NFXL1: variants seen among roughly 807,000 people sequenced by gnomAD.
NFXL1 encodes the protein NF-X1-type zinc finger protein NFXL1.
A neutral mutation model predicts 123.3 loss-of-function variants in NFXL1; 66 were observed. The ratio of observed to expected loss-of-function variants is 0.54; its 90% CI spans 0.44 to 0.66. The LOEUF is 0.66. NFXL1 is among the 30% of genes least tolerant of loss of function. The pLI is 0.00. For synonymous variants in NFXL1, 346 were observed against 360.8 expected, an observed-to-expected ratio of 0.96 and a Z score of 0.46; for missense variants, 944 against 1,125.6, an observed-to-expected ratio of 0.84 and a Z score of 2.31.
chr4:47,906,195 G>A (rs1392166783), intron 3 of NFXL1, among the ~76,000 whole-genome samples: 2 of 151,998 alleles, frequency 1.3e-5, no homozygotes, highest in Non-Finnish European at 2.9e-5. Flanking sequence ...GACACCAAAA[G>A]GACAATAATC....
chr4:47,895,827 C>G (rs1033439110), intron 10 of NFXL1, among the ~76,000 whole-genome samples: 1 of 152,164 alleles, frequency 6.6e-6, no homozygotes, highest in Non-Finnish European at 1.5e-5. Flanking sequence ...TGCAAGAGAA[C>G]TTTCAGCCTA....
In NFXL1 at chr4:47,914,120, G is replaced by T; in HGVS notation, c.84C>A (p.Val28=). 1 of 1,554,128 alleles carries T rather than the reference G, an allele frequency of 6.4e-7. No homozygotes were observed. The change falls in exon 2 of 23, where the codon GTC becomes GTA. Residue 28 remains valine, a synonymous_variant. Coordinates refer to ENST00000507489, the MANE Select transcript of NFXL1 (RefSeq NM_001278624.2). ...GCCCTCCTCCGGCGCCGCGGAGATG[G>T]ACTCCATTTCCTGAGGGGGCGGCAG... ...RATAAPSGNG[V]HLRGAGGGRE...
At chr4:47,882,074 C>G (rs1055345798) in intron 15 of NFXL1, among the ~76,000 whole-genome samples, 9 of 152,138 alleles carry the variant, frequency 5.9e-5, no homozygotes, top group South Asian at 2.1e-4. Context: ...ATTGGTTTCT[C>G]AACTGTAAAT....
At chr4:47,873,155 A>G (rs1735553488) in intron 18 of NFXL1, among the ~76,000 whole-genome samples, 1 of 152,210 alleles carries the variant, frequency 6.6e-6, no homozygotes, top group African/African-American at 2.4e-5. Flanking sequence ...TCCCATCTAT[A>G]GGCTCCACTT....
chr4:47,911,028 A>G (rs1472604877), intron 2 of NFXL1, 34 bp from the exon 3 acceptor site: 2 of 1,317,932 alleles, frequency 1.5e-6, no homozygotes, highest in Admixed American at 5.0e-5. Flanking sequence ...TTTCTGCAAA[A>G]CAATCTCTCA....
intron 11 of NFXL1, among the ~76,000 whole-genome samples, chr4:47,891,429 T>C (rs1485225221): frequency 1.3e-5 from 2 of 152,148 alleles, no homozygotes; most frequent in African/African-American, 4.8e-5. Context: ...GCAGTTATTT[T>C]CAAACCATAG....
At chr4:47,901,045 T>C (rs1281171108) in intron 5 of NFXL1, among the ~76,000 whole-genome samples, 2 of 152,184 alleles carry the variant, frequency 1.3e-5, no homozygotes, top group Non-Finnish European at 1.5e-5. Context: ...ACACTGCCCA[T>C]CAGCATTGAA....
rs1343465043 is a variant in NFXL1 at position 47,890,625 on chromosome 4, C to A, written c.1531G>T (p.Val511Phe). ...LGCRNHKCPS[V>F]CHRGSCYPCP... ...TATTAAAGTTTACCTCTGTGACAGA[C>A]AGATGGACACTTATGGTTTCTACAT... The change falls in exon 12 of 23, where the codon GTC becomes TTC. Residue 511 changes from valine to phenylalanine, a missense_variant. Val to Phe is a conservative substitution (Grantham distance 50). Transcript: ENST00000507489. 1 of 1,589,922 alleles carries A rather than the reference C, an allele frequency of 6.3e-7. No homozygotes were observed. Among genetic ancestry groups the A allele is most frequent in the Admixed American group, 1.7e-5 (1 of 59,952 alleles).
intron 5 of NFXL1, 83 bp downstream of exon 5, chr4:47,903,110 G>A (rs908700189): frequency 2.1e-5 from 19 of 886,252 alleles, no homozygotes; most frequent in Non-Finnish European, 3.1e-5. Flanking sequence ...AGCCAAGATC[G>A]CCACTGCACT....
chr4:47,848,181 G>T lies in NFXL1; in HGVS notation c.2718C>A (p.Ile906=), dbSNP rs760714635. 4 of 1,592,596 alleles carry T rather than the reference G, an allele frequency of 2.5e-6. No individual in the cohort carries two copies. The change falls in exon 23 of 23, where the codon ATC becomes ATA. Residue 906 remains isoleucine (I), a synonymous_variant. Transcript: ENST00000507489. ...GVVVVVFAWY[I]THDVN is the part of the protein sequence containing the mutation. ...ACTTTTTTTAATTGACATCATGGGTGATGTACCAGGCAAACACTACAACCA... is the reference window on the plus strand; with the variant it reads ...ACTTTTTTTAATTGACATCATGGGTTATGTACCAGGCAAACACTACAACCA...
In NFXL1 at chr4:47,859,854, AAAAAAAAAAAAAAAAAC is replaced by A. The variant is rs1161303994; in HGVS notation, c.2316+2975_2316+2991del. Among the ~76,000 whole-genome samples, 34 of 140,120 alleles carry A rather than the reference AAAAAAAAAAAAAAAAAC, an allele frequency of 2.4e-4. 1 individual carries two copies. Among genetic ancestry groups the A allele is most frequent in the Admixed American group, 2.1e-3 (29 of 13,906 alleles). 91.9% of individuals were successfully genotyped at this position (140,120 alleles called of 152,430 possible). On this transcript the variant is annotated intron_variant, in intron 19 of 22. Coordinates refer to ENST00000507489, the MANE Select transcript of NFXL1 (RefSeq NM_001278624.2). The stretch of plus-strand genomic sequence containing the variant: ...GAGACTCCATCTCAAAAAAAAAAAA[AAAAAAAAAAAAAAAAAC>A]AAACAAACAAAAAAAGTAGAAATAC...
chr4:47,884,705 T>C (rs1479308987), intron 14 of NFXL1, among the ~76,000 whole-genome samples: 2 of 152,092 alleles, frequency 1.3e-5, no homozygotes, highest in African/African-American at 4.8e-5. Context: ...TTACTTCCAA[T>C]AAGGAAATGA....
At chr4:47,906,983 T>C (rs569990750) in intron 3 of NFXL1, among the ~76,000 whole-genome samples, 1 of 152,276 alleles carries the variant, frequency 6.6e-6, no homozygotes, top group South Asian at 2.1e-4. Context: ...AAAAATGACT[T>C]TGAGCAAGTT....
At chr4:47,876,220 A>G (rs1735744826) in intron 17 of NFXL1, among the ~76,000 whole-genome samples, 1 of 152,168 alleles carries the variant, frequency 6.6e-6, no homozygotes, top group Admixed American at 6.6e-5. Flanking sequence ...CTGGGAAGAC[A>G]TGAGATAGGC....
At chr4:47,904,116 G>A (rs745906653) in intron 4 of NFXL1, among the ~76,000 whole-genome samples, 18 of 152,174 alleles carry the variant, frequency 1.2e-4, no homozygotes, top group Admixed American at 2.0e-4. Context: ...GGAGTAAGGG[G>A]ACTAGACAGG....
At chr4:47,884,303 A>G in intron 15 of NFXL1, 43 bp downstream of exon 15, 1 of 1,198,812 alleles carries the variant, frequency 8.3e-7, no homozygotes, top group Non-Finnish European at 1.2e-6. Context: ...GCTATGTCAA[A>G]AGTTTTTTGT....
At chr4:47,869,959 A>G (rs1258141249) in intron 18 of NFXL1, among the ~76,000 whole-genome samples, 1 of 152,120 alleles carries the variant, frequency 6.6e-6, no homozygotes, top group Non-Finnish European at 1.5e-5. Context: ...TGAAAAATCT[A>G]GATGAAATAG....
intron 19 of NFXL1, among the ~76,000 whole-genome samples, chr4:47,855,780 T>C (rs1351755403): frequency 2.6e-5 from 4 of 152,158 alleles, no homozygotes; most frequent in Non-Finnish European, 5.9e-5. Context: ...AAAAATATTA[T>C]TTAGGTAGCC....
At chr4:47,902,357 A>G (rs1400697871) in intron 5 of NFXL1, among the ~76,000 whole-genome samples, 1 of 152,224 alleles carries the variant, frequency 6.6e-6, no homozygotes, top group Non-Finnish European at 1.5e-5. Context: ...TAGCAGAGAT[A>G]TAAAATTCTA....
Sources: gnomAD v4.1 joint callset for allele counts (sites outside exome capture counted in the v4.1 genomes callset) on GRCh38, gnomAD v4.1.1 for gene constraint, MANE v1.5 for transcripts, NCBI Gene and HGNC (gene_info 2026-07-23, HGNC 2026-07-21) for gene names.